The following SLC16A1 variants were observed in gnomAD, a reference collection of about 807,000 sequenced individuals.
SLC16A1 encodes the protein monocarboxylate transporter 1.
Under a neutral mutation model 32.2 loss-of-function variants are expected in SLC16A1, and 11 were observed. The observed-to-expected ratio is 0.34, with a 90% CI of 0.21 to 0.56. The LOEUF (loss-of-function observed/expected upper bound fraction) is 0.56. Among genes scored for constraint, SLC16A1 ranks in the 20% least tolerant of loss-of-function variants. SLC16A1 has a pLI of 0.87. For missense variants in SLC16A1, 435 were observed against 615.0 expected (o/e 0.71, Z 3.10); for synonymous variants, 231 against 226.8 (o/e 1.02, Z -0.17).
At chr1:112,924,130 C>G in intron 2 of SLC16A1, 1 of 1,414,774 alleles carries the variant, frequency 7.1e-7, no homozygotes, top group Non-Finnish European at 1.0e-6. Context: ...GCCAGCGCCC[C>G]CAGCATGACC....
intron 2 of SLC16A1, chr1:112,923,488 TG>T: frequency 1.1e-6 from 1 of 880,082 alleles, no homozygotes. Flanking sequence ...CGCGCCTTCC[TG>T]GAGCACGGCC....
intron 1 of SLC16A1, among the ~76,000 whole-genome samples, chr1:112,933,323 G>A (rs1353560088): frequency 6.6e-6 from 1 of 152,042 alleles, no homozygotes; most frequent in Non-Finnish European, 1.5e-5. Flanking sequence ...GTGGTGGCGT[G>A]TGCCTGTAGT....
intron 1 of SLC16A1, among the ~76,000 whole-genome samples, chr1:112,950,534 C>A (rs1485698995): frequency 6.6e-6 from 1 of 152,224 alleles, no homozygotes; most frequent in African/African-American, 2.4e-5. Context: ...TCAACAATAT[C>A]ATGAGTTGTG....
intron 1 of SLC16A1, among the ~76,000 whole-genome samples, chr1:112,953,052 A>G (rs529999469): frequency 2.7e-5 from 4 of 150,422 alleles, no homozygotes; most frequent in Non-Finnish European, 5.9e-5. Context: ...GTCTCACACC[A>G]CTCCAACAGC....
chr1:112,916,461 G>C (rs1648512626), intron 4 of SLC16A1, among the ~76,000 whole-genome samples: 1 of 131,244 alleles, frequency 7.6e-6, no homozygotes, highest in Non-Finnish European at 1.5e-5. Flanking sequence ...TCGCGCCATT[G>C]CACTCCAGCC....
chr1:112,918,100 ATAAT>A (rs922270290), intron 3 of SLC16A1, 56 bp from the exon 4 acceptor site: 35 of 892,616 alleles, frequency 3.9e-5, no homozygotes, highest in African/African-American at 7.5e-5. Context: ...AAATAAATAA[ATAAT>A]AAGAGGTATA....
At chr1:112,922,961 G>A (rs1648791297) in intron 2 of SLC16A1, among the ~76,000 whole-genome samples, 1 of 152,006 alleles carries the variant, frequency 6.6e-6, no homozygotes, top group Admixed American at 6.6e-5. Context: ...ACCCAAGCTG[G>A]AGTGCAGTGG....
intron 1 of SLC16A1, among the ~76,000 whole-genome samples, chr1:112,938,499 T>A (rs185203030): frequency 1.3e-5 from 2 of 152,338 alleles, no homozygotes; most frequent in African/African-American, 4.8e-5. Flanking sequence ...ATGTAACTAC[T>A]GGATCTGGCT....
Position 112,913,795 on chromosome 1 carries a change from T to C in SLC16A1, c.*96A>G. Reference sequence around the variant, plus strand: ...ATGATTTCCACACAAATGTCTACTATTTGCATTGAGCACCACTGGTAGATT... The same window carrying C: ...ATGATTTCCACACAAATGTCTACTACTTGCATTGAGCACCACTGGTAGATT... On this transcript the variant is annotated 3_prime_UTR_variant, in exon 5 of 5. Transcript: ENST00000369626. 3 of 1,425,704 alleles carry C rather than the reference T, an allele frequency of 2.1e-6. No homozygotes were observed. 88.3% of individuals were successfully genotyped at this position (1,425,704 alleles called of 1,614,324 possible).
chr1:112,935,700 G>C (rs1170845079), intron 1 of SLC16A1: 1 of 152,178 alleles, frequency 6.6e-6, no homozygotes, highest in African/African-American at 2.4e-5. Flanking sequence ...TAAATCCTCA[G>C]TTTGAGAAAA....
chr1:112,948,549 G>C (rs1029887601), intron 1 of SLC16A1, among the ~76,000 whole-genome samples: 4 of 151,758 alleles, frequency 2.6e-5, no homozygotes, highest in Admixed American at 2.6e-4. Flanking sequence ...AGTTGCCCAG[G>C]CTGGAGTGCA....
At chr1:112,937,861 A>G (rs1429553914) in intron 1 of SLC16A1, among the ~76,000 whole-genome samples, 1 of 152,230 alleles carries the variant, frequency 6.6e-6, no homozygotes, top group East Asian at 1.9e-4. Flanking sequence ...TCATTAATTC[A>G]TCTTCTAAAG....
chr1:112,924,216 TC>T, intron 2 of SLC16A1: 1 of 1,518,184 alleles, frequency 6.6e-7, no homozygotes, highest in Non-Finnish European at 9.1e-7. Flanking sequence ...CCTGGGCATG[TC>T]CAGCTTGGAG....
rs1201942514 is a variant in SLC16A1 at position 112,917,814 on chromosome 1, T to C, written c.592A>G (p.Ile198Val). The C allele has an allele frequency of 6.2e-7, 1 of 1,614,160 alleles. No homozygotes were observed. The highest frequency in any genetic ancestry group is 2.2e-5 in the East Asian group (1 of 44,882). ...CCTGCCTTGGTTGGCTTGGGCCCGA[T>C]TGGTCGCATGAGGGCTCCAGCAACA... ...CCVAGALMRP[I>V]GPKPTKAGKD... Residue 198 changes from isoleucine to valine, a missense_variant, in exon 4 of 5, where the codon ATC becomes GTC. Transcript: ENST00000369626. This position sits in a 1 kb window ranked among gnomAD's most constrained non-coding sequence, Gnocchi z 4.1.
chr1:112,924,410 AT>A, intron 2 of SLC16A1: 1 of 1,038,136 alleles, frequency 9.6e-7, no homozygotes, highest in Admixed American at 1.8e-5. Context: ...ACTTTCTTTA[AT>A]TTAGAAGTGC....
At chr1:112,930,531 T>C (rs898424833) in intron 1 of SLC16A1, among the ~76,000 whole-genome samples, 4 of 152,162 alleles carry the variant, frequency 2.6e-5, no homozygotes, top group Non-Finnish European at 5.9e-5. Context: ...AGAGTCATAG[T>C]ATTGCCCATA....
At chr1:112,948,732 A>T (rs548607415) in intron 1 of SLC16A1, among the ~76,000 whole-genome samples, 9 of 152,208 alleles carry the variant, frequency 5.9e-5, no homozygotes, top group African/African-American at 2.2e-4. Flanking sequence ...CGAACTCCTG[A>T]CCTCAGGTGT....
At chr1:112,947,656 T>A (rs1388944460) in intron 1 of SLC16A1, among the ~76,000 whole-genome samples, 3 of 152,238 alleles carry the variant, frequency 2.0e-5, no homozygotes, top group Non-Finnish European at 4.4e-5. Context: ...ATATTTTAAA[T>A]ATGTATTTAC....
intron 1 of SLC16A1, among the ~76,000 whole-genome samples, chr1:112,949,736 C>T (rs557794567): frequency 2.6e-5 from 4 of 151,824 alleles, no homozygotes; most frequent in South Asian, 2.1e-4. Flanking sequence ...GACAGGGTTT[C>T]GCCATGCTGC....
Sources: allele counts gnomAD v4.1 joint callset (sites outside exome capture counted in the v4.1 genomes callset), GRCh38; gene constraint gnomAD v4.1.1; non-coding constraint Gnocchi (gnomAD v3.1); transcripts MANE v1.5; gene names NCBI Gene and HGNC (gene_info 2026-07-23, HGNC 2026-07-21).